The following PIR variants were observed in gnomAD, a reference collection of about 807,000 sequenced individuals.
PIR encodes the protein pirin, also known as pirin (iron-binding nuclear protein).
In PIR, 22 loss-of-function variants were observed where a neutral mutation model predicts 24.2. The observed-to-expected ratio is 0.91, with a 90% CI of 0.65 to 1.30. The LOEUF (loss-of-function observed/expected upper bound fraction) is 1.30. Among genes scored for constraint, PIR ranks in the 50% most tolerant of loss-of-function variants. The pLI, the probability that PIR is intolerant of heterozygous loss-of-function variation, is 0.00. For missense variants in PIR, 220 were observed against 220.3 expected (o/e 1.00, Z 0.01); for synonymous variants, 80 against 79.6 (o/e 1.00, Z -0.03).
At chrX:15,426,066 A>C (rs774124755) in intron 5 of PIR, 76 bp from the exon 6 acceptor site, 1 of 635,248 alleles carries the variant, frequency 1.6e-6, no homozygotes, top group Non-Finnish European at 2.6e-6. Context: ...GCCCTTCTGT[A>C]ATAGGCCTGG....
At chrX:15,464,066 C>A (rs975969207) in intron 3 of PIR, among the ~76,000 whole-genome samples, 1 of 111,718 alleles carries the variant, frequency 9.0e-6, no homozygotes, top group African/African-American at 3.3e-5. Flanking sequence ...ACTGTGCAAC[C>A]GTTAAAAAGT....
At chrX:15,472,301 T>C (rs1168246601) in intron 3 of PIR, among the ~76,000 whole-genome samples, 1 of 112,141 alleles carries the variant, frequency 8.9e-6, no homozygotes, top group Non-Finnish European at 1.9e-5. Context: ...CAACTTTCCC[T>C]TGTCACCCGC....
intron 4 of PIR, 92 bp downstream of exon 4, chrX:15,459,565 T>C (rs1384603846): frequency 2.4e-5 from 13 of 533,121 alleles, no homozygotes; most frequent in Non-Finnish European, 4.1e-5. Context: ...AGAGAGAGTG[T>C]GGAAAGGGTG....
intron 5 of PIR, among the ~76,000 whole-genome samples, chrX:15,434,714 G>GT (rs11406856): frequency 0.32 from 29,632 of 92,751 alleles, 3,794 homozygotes; most frequent in East Asian, 0.51. Context: ...TGAGAGGTTT[G>GT]TTTTTTTTTT....
At chrX:15,394,225 T>C (rs762908802) in intron 8 of PIR, among the ~76,000 whole-genome samples, 1 of 112,289 alleles carries the variant, frequency 8.9e-6, no homozygotes, top group African/African-American at 3.2e-5. Context: ...CTTGGGCCAA[T>C]GAAAAGATCA....
chrX:15,443,057 T>C (rs1362986847), intron 5 of PIR, among the ~76,000 whole-genome samples: 1 of 111,977 alleles, frequency 8.9e-6, no homozygotes, highest in Admixed American at 9.5e-5. Context: ...TCGATGCTTG[T>C]CTTCAAAGCT....
At chrX:15,464,047 T>C (rs1921433364) in intron 3 of PIR, among the ~76,000 whole-genome samples, 1 of 112,629 alleles carries the variant, frequency 8.9e-6, no homozygotes, top group African/African-American at 3.2e-5. Flanking sequence ...TGTAGCCATA[T>C]AAGAGAATAC....
chrX:15,399,782 C>T (rs1268311729), intron 7 of PIR, among the ~76,000 whole-genome samples: 1 of 111,266 alleles, frequency 9.0e-6, no homozygotes, highest in African/African-American at 3.3e-5. Context: ...ATTAAAGAAG[C>T]ACACATATAG....
At chrX:15,438,046 C>T (rs1925804645) in intron 5 of PIR, among the ~76,000 whole-genome samples, 1 of 112,661 alleles carries the variant, frequency 8.9e-6, no homozygotes, top group Admixed American at 9.4e-5. Flanking sequence ...ACCACATCAA[C>T]CCATCTAAAT....
intron 6 of PIR, among the ~76,000 whole-genome samples, chrX:15,425,138 T>C (rs1051658110): frequency 4.5e-5 from 5 of 111,575 alleles, no homozygotes; most frequent in African/African-American, 1.3e-4. Context: ...ACAACACCTA[T>C]ATCAAGCAAA....
chrX:15,480,572 A>G (rs1178029938), intron 2 of PIR, among the ~76,000 whole-genome samples: 1 of 112,163 alleles, frequency 8.9e-6, no homozygotes, highest in African/African-American at 3.2e-5. Context: ...AGACAATTTT[A>G]CACATATGAG....
At chrX:15,386,954 T>C (rs1385215574) in intron 9 of PIR, among the ~76,000 whole-genome samples, 1 of 110,055 alleles carries the variant, frequency 9.1e-6, no homozygotes, top group Non-Finnish European at 1.9e-5. Context: ...GTGTCTAATT[T>C]GGGAGGCTGA....
intron 5 of PIR, among the ~76,000 whole-genome samples, chrX:15,439,021 T>C (rs1037673148): frequency 2.7e-5 from 3 of 112,093 alleles, no homozygotes; most frequent in Non-Finnish European, 3.8e-5. Flanking sequence ...AGTTCTGAGG[T>C]ACAGCTTCCT....
intron 5 of PIR, among the ~76,000 whole-genome samples, chrX:15,430,888 T>G (rs1436980587): frequency 8.9e-6 from 1 of 112,000 alleles, no homozygotes; most frequent in Non-Finnish European, 1.9e-5. Flanking sequence ...CATTGCTCCT[T>G]TGACAGATAA....
chrX:15,444,525 CT>C lies in PIR; in HGVS notation c.480+11322del, dbSNP rs971360374. ...AATATCTCTGGGGTATGCCTGTGTT[CT>C]TTTTGGTCTTCTCAACCTCAACTCC... is the stretch of plus-strand genomic sequence containing the variant. On this transcript the variant is annotated intron_variant, in intron 5 of 9. Coordinates refer to ENST00000380420, the MANE Select transcript of PIR (RefSeq NM_001018109.3). Among the ~76,000 whole-genome samples the C allele has an allele frequency of 9.9e-5, 11 of 111,239 alleles. No individual in the cohort carries two copies. In the Admixed American group the frequency reaches 1.1e-3, roughly 11 times the overall value.
At chrX:15,481,837 G>T (rs1297349659) in intron 2 of PIR, among the ~76,000 whole-genome samples, 5 of 111,624 alleles carry the variant, frequency 4.5e-5, no homozygotes, top group African/African-American at 6.5e-5. Context: ...AAATTGTCTT[G>T]CATTGGATTA....
At position 15,390,257 on chromosome X, in the gene PIR, G is replaced by A. The variant is rs1447441608; in HGVS notation, c.694-6C>T. 3.7e-6 allele frequency: 4 copies of A among 1,078,131 alleles called. No individual in the cohort carries two copies. Among genetic ancestry groups the A allele is most frequent in the Non-Finnish European group, 5.1e-6 (4 of 791,025 alleles). 88.9% of individuals were successfully genotyped at this position (1,078,131 alleles called of 1,213,427 possible). On this transcript the variant is annotated splice_region_variant and splice_polypyrimidine_tract_variant and intron_variant, in intron 8 of 9. Coordinates refer to ENST00000380420, the MANE Select transcript of PIR (RefSeq NM_001018109.3). Reference sequence around the variant, plus strand: ...AAGTGGCTTCTCTTGGGATCCTAAAGTTAACAAAGAAAACATCAAACAATA... The same window carrying A: ...AAGTGGCTTCTCTTGGGATCCTAAAATTAACAAAGAAAACATCAAACAATA...
At chrX:15,396,545 A>G (rs1340111634) in intron 8 of PIR, among the ~76,000 whole-genome samples, 1 of 110,889 alleles carries the variant, frequency 9.0e-6, no homozygotes, top group African/African-American at 3.3e-5. Context: ...AAGCAGTCAG[A>G]TTGACTAAAC....
At chrX:15,484,684 T>G (rs1380424392) in intron 2 of PIR, among the ~76,000 whole-genome samples, 1 of 111,431 alleles carries the variant, frequency 9.0e-6, no homozygotes, top group Admixed American at 9.6e-5. Flanking sequence ...GTAAAGGCCA[T>G]TCTGATGAAG....
Sources: allele counts gnomAD v4.1 joint callset (sites outside exome capture counted in the v4.1 genomes callset), GRCh38; gene constraint gnomAD v4.1.1; transcripts MANE v1.5; gene names NCBI Gene and HGNC (gene_info 2026-07-23, HGNC 2026-07-21).